FILIP1L: variants seen among roughly 807,000 people sequenced by gnomAD.
FILIP1L encodes filamin A-interacting protein 1-like.
A neutral mutation model predicts 96.6 loss-of-function variants in FILIP1L; 55 were observed. The observed-to-expected ratio is 0.57, with a 90% CI of 0.46 to 0.71. The LOEUF (loss-of-function observed/expected upper bound fraction) is 0.71, where lower values mean the gene tolerates loss of function less well. Among genes scored for constraint, FILIP1L ranks in the 30% least tolerant of loss-of-function variants. The pLI, the probability that FILIP1L is intolerant of heterozygous loss-of-function variation, is 0.00. For synonymous variants in FILIP1L, 467 were observed against 473.9 expected, an observed-to-expected ratio of 0.99 and a Z score of 0.19; for missense variants, 1,304 against 1,321.2, an observed-to-expected ratio of 0.99 and a Z score of 0.20.
intron 5 of FILIP1L, among the ~76,000 whole-genome samples, chr3:99,844,381 C>A (rs772943280): frequency 3.3e-5 from 5 of 152,022 alleles, no homozygotes; most frequent in Non-Finnish European, 5.9e-5. Context: ...GCATTTTTGC[C>A]TATCTTTTCT....
At position 99,830,551 on chromosome 3, in the gene FILIP1L, T is replaced by C. The variant is rs1300764827; in HGVS notation, c.3436A>G (p.Thr1146Ala). ...TTAGTGGAAATCTTGGTGATGCCTG[T>C]AGATTTCGGTTTAGGGATCCGTGCT... ...IPARIPKPKS[T>A]GITKISTKAP... The change falls in exon 6 of 6, where the codon ACA becomes GCA. Residue 1146 changes from threonine to alanine, a missense_variant. Transcript: ENST00000477258. 8.8e-6 allele frequency: 4 copies of C among 456,740 alleles called. No homozygotes were observed. Among genetic ancestry groups the C allele is most frequent in the Non-Finnish European group, 1.8e-5 (4 of 226,976 alleles). 28.3% of individuals were successfully genotyped at this position (456,740 alleles called of 1,614,324 possible). A position where few individuals can be genotyped will look rare whatever the true frequency, so the allele number is the denominator to read the frequency against.
chr3:100,084,298 C>G (rs943284132), intron 1 of FILIP1L, among the ~76,000 whole-genome samples: 1 of 152,058 alleles, frequency 6.6e-6, no homozygotes, highest in Non-Finnish European at 1.5e-5. Context: ...TTCACTAGCC[C>G]ATTGAGTAGA....
intron 1 of FILIP1L, among the ~76,000 whole-genome samples, chr3:100,003,006 C>T (rs769943265): frequency 2.0e-5 from 3 of 152,172 alleles, no homozygotes; most frequent in African/African-American, 2.4e-5. Flanking sequence ...GGAGGGATGA[C>T]GTAATGGATT....
At position 100,078,078 on chromosome 3, in the gene FILIP1L, T is replaced by TA. The variant is rs538006223; in HGVS notation, c.-11+35974dup. Among the ~76,000 whole-genome samples the TA allele has an allele frequency of 6.9e-3, 1,004 of 146,042 alleles. 8 individuals carry two copies. Among genetic ancestry groups the TA allele is most frequent in the African/African-American group, 0.022 (864 of 39,990 alleles). On this transcript the variant is annotated intron_variant, in intron 1 of 5. Coordinates refer to ENST00000477258, the MANE Select transcript of FILIP1L (RefSeq NM_001387850.1). ...TTATAAGTTAGAATTGGGCTTGCTT[T>TA]AAAAAAAAAAAAGATAATATATGCT...
At chr3:100,053,636 G>A (rs948971199) in intron 1 of FILIP1L, among the ~76,000 whole-genome samples, 2 of 152,170 alleles carry the variant, frequency 1.3e-5, no homozygotes, top group Non-Finnish European at 2.9e-5. Context: ...GGGGAGTGGG[G>A]AGAATGGGTA....
In FILIP1L at chr3:99,972,486, GTTA is replaced by G. The variant is rs1708852481; in HGVS notation, c.-10-41459_-10-41457del. Among the ~76,000 whole-genome samples the G allele has an allele frequency of 7.2e-5, 11 of 152,276 alleles. No individual in the cohort carries two copies. In the South Asian group the frequency reaches 2.3e-3, roughly 32 times the overall value. ...TAATCCATTTTATTTCTCTCCATTAGTTATTATAATAATAACAGATTGGTGACA... is the reference window on the plus strand; with the variant it reads ...TAATCCATTTTATTTCTCTCCATTAGTTATAATAATAACAGATTGGTGACA... On this transcript the variant is annotated intron_variant, in intron 1 of 5. Coordinates refer to ENST00000477258, the MANE Select transcript of FILIP1L (RefSeq NM_001387850.1).
chr3:100,031,623 T>C (rs1205192189), intron 1 of FILIP1L, among the ~76,000 whole-genome samples: 2 of 151,762 alleles, frequency 1.3e-5, no homozygotes, highest in African/African-American at 4.8e-5. Context: ...CCTGTGTTCT[T>C]TTTTTTTAAC....
intron 1 of FILIP1L, among the ~76,000 whole-genome samples, chr3:99,982,626 G>A (rs1419053137): frequency 2.0e-5 from 3 of 152,168 alleles, no homozygotes; most frequent in East Asian, 1.9e-4. Flanking sequence ...TTACAGGCAT[G>A]AGCCACTATG....
chr3:100,079,575 A>C (rs1435543274), intron 1 of FILIP1L, among the ~76,000 whole-genome samples: 1 of 152,218 alleles, frequency 6.6e-6, no homozygotes, highest in African/African-American at 2.4e-5. Flanking sequence ...AGATACAGTC[A>C]GTGTCACTTT....
intron 4 of FILIP1L, among the ~76,000 whole-genome samples, chr3:99,900,782 C>T (rs1315276105): frequency 6.6e-6 from 1 of 152,212 alleles, no homozygotes; most frequent in Non-Finnish European, 1.5e-5. Context: ...GTTGCTGTTT[C>T]AGCCTCAGAG....
intron 1 of FILIP1L, among the ~76,000 whole-genome samples, chr3:99,998,452 A>G (rs1014552255): frequency 1.3e-5 from 2 of 152,194 alleles, no homozygotes; most frequent in Non-Finnish European, 2.9e-5. Flanking sequence ...AAGAATGTAC[A>G]TTTTTGAGAT....
At chr3:99,894,636 A>G (rs1488019478) in intron 4 of FILIP1L, among the ~76,000 whole-genome samples, 1 of 152,232 alleles carries the variant, frequency 6.6e-6, no homozygotes, top group Non-Finnish European at 1.5e-5. Flanking sequence ...GAAGTTTACT[A>G]TCTTGCAGAA....
At chr3:100,021,079 C>A (rs1280676065) in intron 1 of FILIP1L, among the ~76,000 whole-genome samples, 2 of 152,140 alleles carry the variant, frequency 1.3e-5, no homozygotes, top group African/African-American at 4.8e-5. Context: ...TTTGCATTTT[C>A]TTAGTGCCAG....
At position 99,892,463 on chromosome 3, in the gene FILIP1L, A is replaced by G. The variant is rs552934070; in HGVS notation, c.605+31767T>C. Among the ~76,000 whole-genome samples, 9 of 152,312 alleles carry G rather than the reference A, an allele frequency of 5.9e-5. No individual in the cohort carries two copies. In the East Asian group the frequency reaches 1.7e-3, roughly 29 times the overall value. ...TCCCATTGGCTCAAACAATAGTGAA[A>G]TATGTCACCACACAACAAAAAATCC... On this transcript the variant is annotated intron_variant, in intron 4 of 5. Coordinates refer to ENST00000477258, the MANE Select transcript of FILIP1L (RefSeq NM_001387850.1).
chr3:100,033,647 TGGTCA>T (rs1559733341), intron 1 of FILIP1L, among the ~76,000 whole-genome samples: 1 of 152,162 alleles, frequency 6.6e-6, no homozygotes, highest in Non-Finnish European at 1.5e-5. Flanking sequence ...GCTTTTTAAA[TGGTCA>T]GTAGGAAATT....
At position 99,828,824 on chromosome 3, in the gene FILIP1L, C is replaced by T. The variant is rs1942587850; in HGVS notation, c.*1590G>A. On this transcript the variant is annotated 3_prime_UTR_variant, in exon 6 of 6. Transcript: ENST00000477258. Reference sequence around the variant, plus strand: ...TGCTTTCCTTTCACTTCGACTTTTCCATTTCAGGCTTTTAATTCACTTGAC... The same window carrying T: ...TGCTTTCCTTTCACTTCGACTTTTCTATTTCAGGCTTTTAATTCACTTGAC... Among the ~76,000 whole-genome samples, 3 of 152,008 alleles carry T rather than the reference C, an allele frequency of 2.0e-5. 1 individual carries two copies. In the South Asian group the frequency reaches 6.2e-4, roughly 32 times the overall value.
intron 5 of FILIP1L, among the ~76,000 whole-genome samples, chr3:99,838,813 A>T (rs1439231375): frequency 1.3e-5 from 2 of 152,148 alleles, no homozygotes; most frequent in Non-Finnish European, 2.9e-5. Flanking sequence ...GTTGTTGTAA[A>T]ATAAAATAAT....
chr3:100,021,915 TTGTGTGTGTGTGTG>T lies in FILIP1L; in HGVS notation c.-10-90899_-10-90886del, dbSNP rs61704772. On this transcript the variant is annotated intron_variant, in intron 1 of 5. Transcript: ENST00000477258. ...AGAATAGCTTGGATGCTAGATCCCA[TTGTGTGTGTGTGTG>T]TGTGTGTGTGTGTGTGTGTGTGTGT... Among the ~76,000 whole-genome samples, 372 of 105,986 alleles carry T rather than the reference TTGTGTGTGTGTGTG, an allele frequency of 3.5e-3. 2 individuals carry two copies. Among genetic ancestry groups the T allele is most frequent in the Middle Eastern group, 0.015 (3 of 196 alleles). 69.5% of individuals were successfully genotyped at this position (105,986 alleles called of 152,430 possible).
chr3:99,950,741 C>A (rs1708151980), intron 1 of FILIP1L, among the ~76,000 whole-genome samples: 1 of 152,118 alleles, frequency 6.6e-6, no homozygotes, highest in Non-Finnish European at 1.5e-5. Flanking sequence ...GTGTTAAATT[C>A]TTTGTTATGT....
Sources: gnomAD v4.1 joint callset for allele counts (sites outside exome capture counted in the v4.1 genomes callset) on GRCh38, gnomAD v4.1.1 for gene constraint, MANE v1.5 for transcripts, NCBI Gene and HGNC (gene_info 2026-07-23, HGNC 2026-07-21) for gene names.